The following NCOA2 variants were observed in gnomAD, a reference collection of about 807,000 sequenced individuals.
NCOA2 encodes the protein nuclear receptor coactivator 2, also known as class E basic helix-loop-helix protein 75.
NCOA2 carries 21 observed loss-of-function variants against 145.1 expected under a neutral mutation model. The ratio of observed to expected loss-of-function variants is 0.14; its 90% CI spans 0.10 to 0.21. The LOEUF is 0.21. Among genes scored for constraint, NCOA2 ranks in the 10% least tolerant of loss-of-function variants. The pLI is 1.00. For synonymous variants in NCOA2, 619 were observed against 637.5 expected, an observed-to-expected ratio of 0.97 and a Z score of 0.44; for missense variants, 1,472 against 1,837.6, an observed-to-expected ratio of 0.80 and a Z score of 3.64.
At position 70,138,295 on chromosome 8, in the gene NCOA2, C is replaced by T; in HGVS notation, c.3066G>A (p.Gln1022=). The T allele has an allele frequency of 6.2e-7, 1 of 1,613,254 alleles. No homozygotes were observed. Among genetic ancestry groups the T allele is most frequent in the African/African-American group, 1.3e-5 (1 of 75,002 alleles). ...SELEMNMGGP[Q]YSQQQAPPNQ... is the part of the protein sequence containing the mutation. ...TTGGAGGAGCTTGTTGTTGGCTATA[C>T]TGAGGTCCCCCCATGTTCATCTCTA... Residue 1022 remains glutamine (Q), a synonymous_variant, in exon 15 of 23, where the codon CAG becomes CAA. Transcript: ENST00000452400.
At chr8:70,161,307 T>C (rs1156236156) in intron 9 of NCOA2, among the ~76,000 whole-genome samples, 2 of 152,360 alleles carry the variant, frequency 1.3e-5, no homozygotes, top group Admixed American at 1.3e-4. Flanking sequence ...TGAACATGTT[T>C]GCTTATGCCA....
upstream of NCOA2, among the ~76,000 whole-genome samples, chr8:70,404,348 G>C (rs1015962473): frequency 1.3e-5 from 2 of 152,256 alleles, no homozygotes; most frequent in Admixed American, 6.5e-5. Context: ...GCAGACGGCA[G>C]GGACGGTGCC....
the NCOA2 span, among the ~76,000 whole-genome samples, chr8:70,423,521 A>G: frequency 6.6e-6 from 1 of 152,108 alleles, no homozygotes; most frequent in South Asian, 2.1e-4. Flanking sequence ...AGGAGATCAT[A>G]AGATGAAAAT....
At chr8:70,125,885 G>A (rs564852840) in intron 19 of NCOA2, among the ~76,000 whole-genome samples, 1 of 152,310 alleles carries the variant, frequency 6.6e-6, no homozygotes, top group Admixed American at 6.5e-5. Context: ...AGAGAAAGGA[G>A]CTGGGAAACA....
intron 4 of NCOA2, among the ~76,000 whole-genome samples, chr8:70,176,762 C>G (rs1056403250): frequency 2.6e-5 from 4 of 152,196 alleles, no homozygotes; most frequent in African/African-American, 9.6e-5. Context: ...GCTGCTTCAT[C>G]TAATTTTCAA....
At chr8:70,424,900 C>A in the NCOA2 span, among the ~76,000 whole-genome samples, 1 of 152,136 alleles carries the variant, frequency 6.6e-6, no homozygotes, top group Admixed American at 6.5e-5. Context: ...CAAAAGGCAG[C>A]GTGGATCATC....
chr8:70,167,609 T>A (rs893501851), intron 6 of NCOA2, among the ~76,000 whole-genome samples: 1 of 152,266 alleles, frequency 6.6e-6, no homozygotes, highest in African/African-American at 2.4e-5. Context: ...GTAGTCTTTT[T>A]AAATTGTTTC....
chr8:70,214,622 C>T (rs1475225925), intron 3 of NCOA2, among the ~76,000 whole-genome samples: 1 of 152,038 alleles, frequency 6.6e-6, no homozygotes, highest in African/African-American at 2.4e-5. Context: ...AGTCACAATA[C>T]AGCTAGAAAC....
intron 4 of NCOA2, among the ~76,000 whole-genome samples, chr8:70,202,103 G>A (rs1193050186): frequency 6.6e-6 from 1 of 152,164 alleles, no homozygotes; most frequent in East Asian, 1.9e-4. Context: ...TCACTATTCA[G>A]CAGGAAAATG....
At chr8:70,191,452 A>G (rs1032115576) in intron 4 of NCOA2, among the ~76,000 whole-genome samples, 2 of 152,196 alleles carry the variant, frequency 1.3e-5, no homozygotes, top group Admixed American at 1.3e-4. Context: ...AGCCTCACCC[A>G]CATTTCCTAG....
At chr8:70,315,046 A>G (rs1451701852) in intron 1 of NCOA2, among the ~76,000 whole-genome samples, 1 of 152,214 alleles carries the variant, frequency 6.6e-6, no homozygotes, top group Non-Finnish European at 1.5e-5. Context: ...GAGCTAAGGA[A>G]GGCAATGCAC....
intron 2 of NCOA2, among the ~76,000 whole-genome samples, chr8:70,279,692 G>A (rs1029976838): frequency 2.0e-5 from 3 of 152,234 alleles, no homozygotes; most frequent in African/African-American, 7.2e-5. Context: ...GAACAGGCAG[G>A]TAATCCAACA....
intron 4 of NCOA2, among the ~76,000 whole-genome samples, chr8:70,186,847 TATTAACATCTTC>T (rs1238269112): frequency 6.6e-6 from 1 of 152,222 alleles, no homozygotes; most frequent in Middle Eastern, 3.2e-3. Context: ...GAATTTTCTT[TATTAACATCTTC>T]ATTAACACCT....
In NCOA2 at chr8:70,159,242, A is replaced by ATATATATATATAT; in HGVS notation, c.1124+262_1124+263insATATATATATATA. 3.7e-3 allele frequency among the ~76,000 whole-genome samples: 228 copies of ATATATATATATAT among 61,058 alleles called. 2 individuals carry two copies. The highest frequency in any genetic ancestry group is 0.011 in the African/African-American group (198 of 18,482). The allele number at this position is 61,058 out of a possible 152,430, so 40.1% of individuals were successfully genotyped here. The stretch of plus-strand genomic sequence containing the variant: ...TAACATTATATATATATATATATAT[A>ATATATATATATAT]TTTTTTTTTTTTTCCCCCAAATATT... On this transcript the variant is annotated intron_variant, in intron 10 of 22. Coordinates refer to ENST00000452400, the MANE Select transcript of NCOA2 (RefSeq NM_006540.4).
intron 1 of NCOA2, among the ~76,000 whole-genome samples, chr8:70,359,255 A>G (rs1308557316): frequency 6.6e-6 from 1 of 152,206 alleles, no homozygotes; most frequent in African/African-American, 2.4e-5. Context: ...GTAGACAGAT[A>G]GTCAAACAAA....
Position 70,403,765 on chromosome 8 carries a change from G to T in NCOA2, c.-142C>A. The T allele has an allele frequency of 2.5e-6, 1 of 397,922 alleles. No homozygotes were observed. 24.6% of individuals were successfully genotyped at this position (397,922 alleles called of 1,614,324 possible). A position where few individuals can be genotyped will look rare whatever the true frequency, so the allele number is the denominator to read the frequency against. On this transcript the variant is annotated 5_prime_UTR_variant, in exon 1 of 23. Coordinates refer to ENST00000452400, the MANE Select transcript of NCOA2 (RefSeq NM_006540.4). ...GGCGCTGACCTTCGCCGCCGAAGCTGTAGCCGAGGCTGCGGCCGCCATGTT... is the reference window on the plus strand; with the variant it reads ...GGCGCTGACCTTCGCCGCCGAAGCTTTAGCCGAGGCTGCGGCCGCCATGTT...
Position 70,216,719 on chromosome 8 carries a change from A to G in NCOA2, c.27T>C (p.Ser9=), listed in dbSNP as rs745490510. MSGMGENT[S]DPSRAETRKR... ...TTCTTGTCTCTGCCCTGGAGGGGTC[A>G]GAGGTATTTTCTCCCATCCCACTCA... Residue 9 remains serine (S), a synonymous_variant, in exon 3 of 23, where the codon TCT becomes TCC. Coordinates refer to ENST00000452400, the MANE Select transcript of NCOA2 (RefSeq NM_006540.4). 2 of 1,613,722 alleles carry G rather than the reference A, an allele frequency of 1.2e-6. No individual in the cohort carries two copies. Among genetic ancestry groups the G allele is most frequent in the South Asian group, 1.1e-5 (1 of 91,084 alleles).
chr8:70,442,134 A>AGAAAGAAAGAAAGAAAGAAAGAAG, the NCOA2 span, among the ~76,000 whole-genome samples: 317 of 125,470 alleles, frequency 2.5e-3, 1 homozygote, highest in African/African-American at 0.013. Context: ...AAAGAAAGAA[A>AGAAAGAAAGAAAGAAAGAAAGAAG]GAAAGAAAGA....
intron 22 of NCOA2, among the ~76,000 whole-genome samples, chr8:70,119,241 T>C (rs1807492310): frequency 6.6e-6 from 1 of 152,244 alleles, no homozygotes; most frequent in East Asian, 1.9e-4. Flanking sequence ...CTCTGTTATC[T>C]ATTTTTCCAC....
Sources: allele counts gnomAD v4.1 joint callset (sites outside exome capture counted in the v4.1 genomes callset), GRCh38; gene constraint gnomAD v4.1.1; transcripts MANE v1.5; gene names NCBI Gene and HGNC (gene_info 2026-07-23, HGNC 2026-07-21).